CFAP299: variants seen among roughly 807,000 people sequenced by gnomAD.
The protein encoded by CFAP299 is cilia and flagella associated protein 299, also known as cilia- and flagella-associated protein 299.
Under a neutral mutation model 27.0 loss-of-function variants are expected in CFAP299, and 21 were observed. The ratio of observed to expected loss-of-function variants is 0.78; its 90% CI spans 0.55 to 1.12. The LOEUF (loss-of-function observed/expected upper bound fraction) is 1.12, where lower values mean the gene tolerates loss of function less well. Ranked by LOEUF, CFAP299 falls within the 50% of genes most tolerant of loss-of-function variation. The probability of loss-of-function intolerance (pLI) is 0.00; values close to 1 mark genes in which losing one functional copy is unlikely to be tolerated. For missense variants in CFAP299, 310 were observed against 276.6 expected (o/e 1.12, Z -0.86); for synonymous variants, 104 against 98.1 (o/e 1.06, Z -0.36).
chr4:80,361,030 G>C (rs1191850891), intron 1 of CFAP299, among the ~76,000 whole-genome samples: 1 of 152,188 alleles, frequency 6.6e-6, no homozygotes, highest in Non-Finnish European at 1.5e-5. Context: ...TAGTAGCTTT[G>C]CTCTTAACTA....
At chr4:80,666,576 T>G (rs577623193) in intron 3 of CFAP299, among the ~76,000 whole-genome samples, 2 of 152,346 alleles carry the variant, frequency 1.3e-5, no homozygotes, top group South Asian at 4.1e-4. Flanking sequence ...TCTCATCCTA[T>G]ATCTCACAAT....
intron 2 of CFAP299, among the ~76,000 whole-genome samples, chr4:80,520,830 A>G (rs1242741105): frequency 6.6e-6 from 1 of 152,226 alleles, no homozygotes; most frequent in Admixed American, 6.5e-5. Context: ...GTTATATTCT[A>G]TCTTATTCCA....
chr4:80,669,178 T>C (rs1429726911), intron 3 of CFAP299, among the ~76,000 whole-genome samples: 98 of 111,612 alleles, frequency 8.8e-4, no homozygotes, highest in African/African-American at 3.3e-3. Flanking sequence ...TTTTTTTTTT[T>C]GAGACTAAGT....
Position 80,956,229 on chromosome 4 carries a change from A to AT in CFAP299, c.607-7286dup, listed in dbSNP as rs1300637980. The stretch of plus-strand genomic sequence containing the variant: ...TAAAGCTTTAGATAGATATTGTCAA[A>AT]TTGCTTTGCAGTTAGACCATGTCAA... On this transcript the variant is annotated intron_variant, in intron 5 of 5. Coordinates refer to ENST00000358105, the MANE Select transcript of CFAP299 (RefSeq NM_152770.3). Among the ~76,000 whole-genome samples, 4 of 152,310 alleles carry AT rather than the reference A, an allele frequency of 2.6e-5. No homozygotes were observed. In the East Asian group the frequency reaches 7.7e-4, roughly 29 times the overall value.
intron 3 of CFAP299, among the ~76,000 whole-genome samples, chr4:80,721,211 G>T (rs2110045696): frequency 6.6e-6 from 1 of 152,270 alleles, no homozygotes; most frequent in East Asian, 1.9e-4. Flanking sequence ...TTTCAAATTT[G>T]ATGGAAATCC....
intron 3 of CFAP299, among the ~76,000 whole-genome samples, chr4:80,776,585 G>A (rs991393756): frequency 3.3e-5 from 5 of 151,836 alleles, no homozygotes; most frequent in African/African-American, 9.7e-5. Context: ...CGGGCCTGTC[G>A]GGGGATGAGG....
In CFAP299 at chr4:80,642,052, A is replaced by G. The variant is rs1398059119; in HGVS notation, c.333+58869A>G. ...AGGTAATGGGGCAGAAAGGTTCTGC[A>G]TTTAGTCTGGCCTTAAAGGCCAGTC... On this transcript the variant is annotated intron_variant, in intron 3 of 5. Coordinates refer to ENST00000358105, the MANE Select transcript of CFAP299 (RefSeq NM_152770.3). Among the ~76,000 whole-genome samples the G allele has an allele frequency of 2.0e-5, 3 of 152,318 alleles. No homozygotes were observed. The East Asian group carries it at 5.8e-4, about 29-fold the overall frequency.
chr4:80,559,521 T>C (rs1173862070), intron 2 of CFAP299, among the ~76,000 whole-genome samples: 1 of 152,086 alleles, frequency 6.6e-6, no homozygotes, highest in African/African-American at 2.4e-5. Flanking sequence ...CCAAAAATCA[T>C]GTGAGCCCTC....
intron 3 of CFAP299, among the ~76,000 whole-genome samples, chr4:80,651,022 T>A (rs1017046991): frequency 2.0e-5 from 3 of 152,042 alleles, no homozygotes; most frequent in Non-Finnish European, 2.9e-5. Context: ...ATAAAAAAAA[T>A]TAAAAAAATA....
Position 80,802,066 on chromosome 4 carries a change from T to C in CFAP299, c.334-67927T>C, listed in dbSNP as rs991609146. Among the ~76,000 whole-genome samples, 4 of 152,238 alleles carry C rather than the reference T, an allele frequency of 2.6e-5. No individual in the cohort carries two copies. In the South Asian group the frequency reaches 8.3e-4, roughly 32 times the overall value. ...ACACTCTACTTTTCAAAACGTGATT[T>C]AAACCTTCAAAATGAATTAGTTTAA... On this transcript the variant is annotated intron_variant, in intron 3 of 5. Coordinates refer to ENST00000358105, the MANE Select transcript of CFAP299 (RefSeq NM_152770.3).
intron 2 of CFAP299, among the ~76,000 whole-genome samples, chr4:80,433,234 A>G (rs908291100): frequency 2.0e-5 from 3 of 152,214 alleles, no homozygotes; most frequent in Non-Finnish European, 1.5e-5. Flanking sequence ...TCTGGAAACC[A>G]TGGAGGTACC....
At chr4:80,627,916 A>G (rs1388926074) in intron 3 of CFAP299, among the ~76,000 whole-genome samples, 2 of 152,154 alleles carry the variant, frequency 1.3e-5, no homozygotes, top group Non-Finnish European at 2.9e-5. Context: ...TACCCAAAGC[A>G]AGCTACAGAT....
intron 1 of CFAP299, among the ~76,000 whole-genome samples, chr4:80,350,898 A>G (rs968835417): frequency 6.6e-6 from 1 of 152,126 alleles, no homozygotes; most frequent in African/African-American, 2.4e-5. Flanking sequence ...ATGTATACCT[A>G]TGTAACAAAG....
intron 3 of CFAP299, among the ~76,000 whole-genome samples, chr4:80,693,159 A>G (rs1238952785): frequency 6.6e-6 from 1 of 152,204 alleles, no homozygotes; most frequent in African/African-American, 2.4e-5. Flanking sequence ...GGGATCTAGA[A>G]CTAGAAATAC....
At chr4:80,601,082 G>A (rs1167038696) in intron 3 of CFAP299, among the ~76,000 whole-genome samples, 2 of 152,052 alleles carry the variant, frequency 1.3e-5, no homozygotes, top group African/African-American at 4.8e-5. Context: ...AACCTTCCCA[G>A]ATGGTTAGAG....
chr4:80,636,326 C>A (rs979057901), intron 3 of CFAP299, among the ~76,000 whole-genome samples: 2 of 152,026 alleles, frequency 1.3e-5, no homozygotes, highest in Non-Finnish European at 2.9e-5. Flanking sequence ...GTAAATGGAG[C>A]ATTTCATTTG....
At chr4:80,832,155 GC>G (rs1459070356) in intron 3 of CFAP299, among the ~76,000 whole-genome samples, 4 of 152,050 alleles carry the variant, frequency 2.6e-5, no homozygotes, top group Non-Finnish European at 5.9e-5. Context: ...CTCCCCTGGG[GC>G]TAACCTCTCA....
chr4:80,955,613 G>A (rs1413492439), intron 5 of CFAP299, among the ~76,000 whole-genome samples: 1 of 152,232 alleles, frequency 6.6e-6, no homozygotes, highest in Non-Finnish European at 1.5e-5. Flanking sequence ...GAAATAGTAT[G>A]TGGCAGTTTA....
At chr4:80,787,782 C>T (rs1177036106) in intron 3 of CFAP299, among the ~76,000 whole-genome samples, 1 of 151,918 alleles carries the variant, frequency 6.6e-6, no homozygotes, top group African/African-American at 2.4e-5. Context: ...CTGACTTTCA[C>T]TTTCTAGGGA....
Sources: allele counts gnomAD v4.1 joint callset (sites outside exome capture counted in the v4.1 genomes callset), GRCh38; gene constraint gnomAD v4.1.1; transcripts MANE v1.5; gene names NCBI Gene and HGNC (gene_info 2026-07-23, HGNC 2026-07-21).